Variants in NEMF observed in about 807,000 individuals in gnomAD.
NEMF encodes the protein nuclear export mediator factor.
Under a neutral mutation model 162.2 loss-of-function variants are expected in NEMF, and 89 were observed. The observed-to-expected ratio is 0.55, with a 90% CI of 0.46 to 0.65. The LOEUF is 0.65. Ranked by LOEUF, NEMF falls within the 30% of genes least tolerant of loss-of-function variation. NEMF has a pLI of 0.00. For missense variants in NEMF, 1,133 were observed against 1,261.9 expected, an observed-to-expected ratio of 0.90 and a Z score of 1.55; for synonymous variants, 421 against 404.5, an observed-to-expected ratio of 1.04 and a Z score of -0.49.
chr14:49,840,693 T>C (rs1264419884), intron 5 of NEMF, 25 bp downstream of exon 5: 10 of 1,598,774 alleles, frequency 6.3e-6, no homozygotes, highest in Non-Finnish European at 8.5e-6. Context: ...CAATACGAAA[T>C]GGGTTTAAAA....
rs200445706 is a variant in NEMF, at chr14:49,851,662, C to T, written c.132G>A (p.Pro44=). Residue 44 remains proline, a synonymous_variant, in exon 3 of 33, where the codon CCG becomes CCA. Coordinates refer to ENST00000298310, the MANE Select transcript of NEMF (RefSeq NM_004713.6). ...CAAGTAAAAGTGTAGCTTTAAAGTC[C>T]GGTCTGTAGAAGAAAAAAGTCGAAT... The part of the protein sequence containing the change: ...NKTYLIRLQK[P]DFKATLLLES... 52 of 1,612,754 alleles carry T rather than the reference C, an allele frequency of 3.2e-5. No individual in the cohort carries two copies. In the African/African-American group the frequency reaches 5.3e-4, roughly 17 times the overall value.
chr14:49,785,430 C>T lies in NEMF; in HGVS notation c.2929-110G>A, dbSNP rs112848710. ...ATATTTTTTATCTTTTCCTGATATA[C>T]ATACCATCTAAGCTGGAACAGTGGT... On this transcript the variant is annotated intron_variant, in intron 29 of 32. Coordinates refer to ENST00000298310, the MANE Select transcript of NEMF (RefSeq NM_004713.6). 4.0e-4 allele frequency: 290 copies of T among 730,602 alleles called. No homozygotes were observed. In the African/African-American group the frequency reaches 4.0e-3, roughly 10 times the overall value. 45.3% of individuals were successfully genotyped at this position (730,602 alleles called of 1,614,324 possible).
intron 3 of NEMF, among the ~76,000 whole-genome samples, chr14:49,847,164 A>G (rs1318927837): frequency 1.3e-5 from 2 of 151,158 alleles, no homozygotes; most frequent in Admixed American, 6.6e-5. Flanking sequence ...GATTACAGGC[A>G]TGAGCCACTG....
chr14:49,796,611 A>C (rs1890703291), intron 25 of NEMF, among the ~76,000 whole-genome samples: 1 of 152,212 alleles, frequency 6.6e-6, no homozygotes, highest in African/African-American at 2.4e-5. Flanking sequence ...TTGGCCTCCC[A>C]AAGTGCTGGG....
intron 26 of NEMF, 25 bp from the exon 27 acceptor site, chr14:49,789,598 G>C: frequency 1.3e-6 from 2 of 1,593,218 alleles, no homozygotes; most frequent in Non-Finnish European, 1.7e-6. Context: ...GATTTTGGTT[G>C]GAAATATTCA....
Position 49,784,969 on chromosome 14 carries a change from T to C in NEMF, c.3109A>G (p.Lys1037Glu). The change falls in exon 32 of 33, where the codon AAA becomes GAA. Residue 1037 changes from lysine (K) to glutamate (E), a missense_variant. By Grantham distance (56) the Lys-to-Glu change is moderately conservative. This residue lies in a region of NEMF where 532 missense variants were observed against 578.6 expected (regional missense o/e 0.92). Transcript: ENST00000298310. ...TCTTTTTCTCTTGCTGTTGCTTCTTTGGAATGCATGAAACTATTCAAGGCT... is the reference window on the plus strand; with the variant it reads ...TCTTTTTCTCTTGCTGTTGCTTCTTCGGAATGCATGAAACTATTCAAGGCT... ...KTALNSFMHS[K>E]EATAREKDLF... The C allele has an allele frequency of 6.2e-7, 1 of 1,613,970 alleles. No individual in the cohort carries two copies. The highest frequency in any genetic ancestry group is 8.5e-7 in the Non-Finnish European group (1 of 1,179,938).
intron 16 of NEMF, chr14:49,820,134 T>C (rs1004676814): frequency 1.3e-5 from 3 of 226,090 alleles, no homozygotes; most frequent in Non-Finnish European, 2.7e-5. Flanking sequence ...GTATTTTTAG[T>C]AGAAACGGGG....
chr14:49,851,615 G>A lies in NEMF; in HGVS notation c.179C>T (p.Thr60Ile). The A allele has an allele frequency of 3.1e-6, 5 of 1,613,918 alleles. No individual in the cohort carries two copies. Among genetic ancestry groups the A allele is most frequent in the Non-Finnish European group, 4.2e-6 (5 of 1,179,924 alleles). The change falls in exon 3 of 33, where the codon ACA (threonine) becomes ATA (isoleucine). Residue 60 changes from threonine to isoleucine, a missense_variant. Physicochemically the swap from Thr to Ile is moderately conservative, Grantham distance 89 (BLOSUM62 -1). Transcript: ENST00000298310. Reference protein sequence around the residue: ...LLLESGIRIHTTEFEWPKNMM... With the variant: ...LLLESGIRIHITEFEWPKNMM... ...ATTCTTAGGCCACTCAAATTCTGTTGTATGAATTCGTATGCCAGATTCAAG... is the reference window on the plus strand; with the variant it reads ...ATTCTTAGGCCACTCAAATTCTGTTATATGAATTCGTATGCCAGATTCAAG...
At chr14:49,813,603 A>G (rs1158717596) in intron 18 of NEMF, among the ~76,000 whole-genome samples, 1 of 152,086 alleles carries the variant, frequency 6.6e-6, no homozygotes, top group Admixed American at 6.6e-5. Flanking sequence ...ACATATGTTT[A>G]TAATTGTTAC....
chr14:49,802,875 G>A (rs1372020786), intron 20 of NEMF, 148 bp from the exon 21 acceptor site: 3 of 648,926 alleles, frequency 4.6e-6, no homozygotes, highest in Non-Finnish European at 8.2e-6. Flanking sequence ...CCCATTTATA[G>A]AACTGGGCAG....
chr14:49,798,389 T>C (rs1890788730), intron 25 of NEMF, among the ~76,000 whole-genome samples: 1 of 152,214 alleles, frequency 6.6e-6, no homozygotes, highest in Non-Finnish European at 1.5e-5. Context: ...TAAATAATTA[T>C]CTTGCTCGCT....
At chr14:49,814,164 A>G in intron 17 of NEMF, 114 bp from the exon 18 acceptor site, 1 of 623,946 alleles carries the variant, frequency 1.6e-6, no homozygotes, top group East Asian at 3.1e-5. Flanking sequence ...CAGTGGCACG[A>G]TTTCAGCTCA....
Position 49,799,539 on chromosome 14 carries a change from A to G in NEMF, c.2416-15T>C. On this transcript the variant is annotated splice_polypyrimidine_tract_variant and intron_variant, in intron 24 of 32. Coordinates refer to ENST00000298310, the MANE Select transcript of NEMF (RefSeq NM_004713.6). ...TTACTGTCACTCTATTAAAACAAAA[A>G]AACAGGCAAATGCAAATATCACTAT... is the stretch of plus-strand genomic sequence containing the variant. 1 of 1,607,308 alleles carries G rather than the reference A, an allele frequency of 6.2e-7. No homozygotes were observed. Among genetic ancestry groups the G allele is most frequent in the East Asian group, 2.2e-5 (1 of 44,812 alleles).
At chr14:49,806,979 T>C (rs1891246934) in intron 18 of NEMF, among the ~76,000 whole-genome samples, 1 of 152,224 alleles carries the variant, frequency 6.6e-6, no homozygotes, top group South Asian at 2.1e-4. Context: ...CAATACTATT[T>C]AATTCCAGAA....
chr14:49,819,559 T>C (rs1396937582), intron 16 of NEMF, among the ~76,000 whole-genome samples: 1 of 151,752 alleles, frequency 6.6e-6, no homozygotes, highest in Non-Finnish European at 1.5e-5. Context: ...GGACTACAGG[T>C]GTGCACAACC....
chr14:49,794,239 T>C (rs184442911), intron 26 of NEMF, among the ~76,000 whole-genome samples: 1 of 152,176 alleles, frequency 6.6e-6, no homozygotes, highest in Admixed American at 6.5e-5. Flanking sequence ...TCTCAAGCAT[T>C]ACTCCTTCCA....
intron 3 of NEMF, among the ~76,000 whole-genome samples, chr14:49,850,763 G>A (rs1194005629): frequency 6.6e-6 from 1 of 151,606 alleles, no homozygotes; most frequent in Non-Finnish European, 1.5e-5. Flanking sequence ...TCACAAAAGT[G>A]AGCTCTGGAA....
chr14:49,834,779 T>A (rs930137172), intron 6 of NEMF, among the ~76,000 whole-genome samples: 1 of 152,230 alleles, frequency 6.6e-6, no homozygotes, highest in African/African-American at 2.4e-5. Flanking sequence ...CACCATGACC[T>A]AGCCTAAAAT....
chr14:49,799,819 A>G, intron 23 of NEMF, 141 bp from the exon 24 acceptor site: 1 of 674,688 alleles, frequency 1.5e-6, no homozygotes, highest in South Asian at 1.9e-5. Flanking sequence ...AAAAACATAC[A>G]ACCAAATTGC....
Sources: gnomAD v4.1 joint callset for allele counts (sites outside exome capture counted in the v4.1 genomes callset) on GRCh38, gnomAD v4.1.1 for gene constraint, gnomAD v4.1.1 regional missense constraint, MANE v1.5 for transcripts, NCBI Gene and HGNC (gene_info 2026-07-23, HGNC 2026-07-21) for gene names.